CNTN6: variants seen among roughly 807,000 people sequenced by gnomAD.
CNTN6 encodes the protein contactin 6.
Under a neutral mutation model 122.8 loss-of-function variants are expected in CNTN6, and 137 were observed. The observed-to-expected ratio is 1.12, with a 90% CI of 0.97 to 1.29. The LOEUF (loss-of-function observed/expected upper bound fraction) is 1.29, where lower values mean the gene tolerates loss of function less well. Among genes scored for constraint, CNTN6 ranks in the 50% most tolerant of loss-of-function variants. The probability of loss-of-function intolerance (pLI) is 0.00; values close to 1 mark genes in which losing one functional copy is unlikely to be tolerated. For synonymous variants in CNTN6, 570 were observed against 426.0 expected (o/e 1.34, Z -4.16); for missense variants, 1,634 against 1,223.4 (o/e 1.34, Z -5.01).
chr3:1,378,561 A>G (rs1710212506), intron 17 of CNTN6, among the ~76,000 whole-genome samples: 1 of 152,080 alleles, frequency 6.6e-6, no homozygotes, highest in Non-Finnish European at 1.5e-5. Flanking sequence ...TGTTGAATGG[A>G]AGGTAGTGTT....
intron 2 of CNTN6, among the ~76,000 whole-genome samples, chr3:1,206,647 A>G (rs2093961607): frequency 6.6e-6 from 1 of 152,000 alleles, no homozygotes; most frequent in Admixed American, 6.6e-5. Flanking sequence ...ACTCCTTAGA[A>G]TTTTTTCTTT....
At chr3:1,208,474 C>A (rs2093987949) in intron 2 of CNTN6, among the ~76,000 whole-genome samples, 1 of 152,038 alleles carries the variant, frequency 6.6e-6, no homozygotes, top group African/African-American at 2.4e-5. Flanking sequence ...GGCATTCTTC[C>A]AAAACCTCTA....
At position 1,158,891 on chromosome 3, in the gene CNTN6, CAT is replaced by C. The variant is rs1158443754; in HGVS notation, c.55+10836_55+10837del. ...ACATATATATACACATATATACACA[CAT>C]ATATATACACATATATATACACACA... On this transcript the variant is annotated intron_variant, in intron 2 of 22. Transcript: ENST00000446702. Among the ~76,000 whole-genome samples the C allele has an allele frequency of 8.1e-5, 6 of 74,416 alleles. 1 individual carries two copies. The highest frequency in any genetic ancestry group is 7.2e-4 in the South Asian group (2 of 2,796). The allele number at this position is 74,416 out of a possible 152,430, so 48.8% of individuals were successfully genotyped here. A position where few individuals can be genotyped will look rare whatever the true frequency, so the allele number is the denominator to read the frequency against.
intron 2 of CNTN6, among the ~76,000 whole-genome samples, chr3:1,195,203 A>T (rs1286122044): frequency 2.6e-5 from 4 of 152,036 alleles, no homozygotes; most frequent in Non-Finnish European, 4.4e-5. Flanking sequence ...TTTCCATGGA[A>T]ACCTCTATAC....
In CNTN6 at chr3:1,385,732, G is replaced by A. The variant is rs907621977; in HGVS notation, c.2639G>A (p.Arg880Lys). 6.2e-7 allele frequency: 1 copy of A among 1,614,134 alleles called. No individual in the cohort carries two copies. Among genetic ancestry groups the A allele is most frequent in the South Asian group, 1.1e-5 (1 of 91,082 alleles). ...AATACCATCTACTTTGCTTCCGTAA[G>A]AGCTTACAACACTGCTGGGACAGGG... The part of the protein sequence containing the change: ...KANTIYFASV[R>K]AYNTAGTGPS... The change falls in exon 20 of 23, where the codon AGA (arginine) becomes AAA (lysine). Residue 880 changes from arginine to lysine, a missense_variant. Physicochemically the swap from Arg to Lys is conservative, Grantham distance 26. Coordinates refer to ENST00000446702, the MANE Select transcript of CNTN6 (RefSeq NM_001289080.2).
rs188347435 is a variant in CNTN6, at chr3:1,149,769, T to C, written c.55+1706T>C. Reference sequence around the variant, plus strand: ...CATATATGTGTGAATAAGAATTATATTCCTACCCTTAAGTTTCATCTTCCT... The same window carrying C: ...CATATATGTGTGAATAAGAATTATACTCCTACCCTTAAGTTTCATCTTCCT... On this transcript the variant is annotated intron_variant, in intron 2 of 22. Transcript: ENST00000446702. 2.2e-3 allele frequency among the ~76,000 whole-genome samples: 342 copies of C among 152,268 alleles called. 1 individual carries two copies. Among genetic ancestry groups the C allele is most frequent in the African/African-American group, 7.9e-3 (330 of 41,572 alleles).
rs558137604 is a variant in CNTN6, at chr3:1,131,547, C to T, written c.-82-16380C>T. Among the ~76,000 whole-genome samples the T allele has an allele frequency of 6.6e-5, 10 of 152,240 alleles. No homozygotes were observed. In the East Asian group the frequency reaches 1.9e-3, roughly 29 times the overall value. ...GAGTGAATAAAGTGTTCACTGCTCA[C>T]TAAACTCAAGTGAAGTTAACATGCA... On this transcript the variant is annotated intron_variant, in intron 1 of 22. Coordinates refer to ENST00000446702, the MANE Select transcript of CNTN6 (RefSeq NM_001289080.2).
At chr3:1,256,014 G>T (rs947102818) in intron 4 of CNTN6, among the ~76,000 whole-genome samples, 1 of 151,828 alleles carries the variant, frequency 6.6e-6, no homozygotes, top group Non-Finnish European at 1.5e-5. Flanking sequence ...GAATACAGGC[G>T]TGTGCCACCA....
chr3:1,248,651 C>G (rs1216444024), intron 4 of CNTN6, among the ~76,000 whole-genome samples: 1 of 152,026 alleles, frequency 6.6e-6, no homozygotes, highest in African/African-American at 2.4e-5. Context: ...GAAACTCTGT[C>G]TCCACTAAAA....
intron 1 of CNTN6, among the ~76,000 whole-genome samples, chr3:1,130,544 G>T (rs9859060): frequency 6.1e-4 from 93 of 152,192 alleles, no homozygotes; most frequent in African/African-American, 2.1e-3. Context: ...CCACCTTCCA[G>T]TGGTCCCCAG....
At chr3:1,318,403 A>G (rs1191460957) in intron 7 of CNTN6, among the ~76,000 whole-genome samples, 2 of 151,734 alleles carry the variant, frequency 1.3e-5, no homozygotes, top group Non-Finnish European at 2.9e-5. Flanking sequence ...TAAAAATACT[A>G]TAATAAGAAA....
chr3:1,351,863 C>G (rs943659730), intron 11 of CNTN6, among the ~76,000 whole-genome samples: 1 of 151,874 alleles, frequency 6.6e-6, no homozygotes, highest in African/African-American at 2.4e-5. Context: ...GTTCAACACC[C>G]CATTCTGTGG....
chr3:1,126,971 A>G (rs1369759532), intron 1 of CNTN6, among the ~76,000 whole-genome samples: 2 of 151,878 alleles, frequency 1.3e-5, no homozygotes, highest in African/African-American at 4.8e-5. Flanking sequence ...CCTAAGTTAT[A>G]TATAGACATC....
At chr3:1,364,077 T>C (rs1483006124) in intron 12 of CNTN6, among the ~76,000 whole-genome samples, 1 of 151,882 alleles carries the variant, frequency 6.6e-6, no homozygotes, top group African/African-American at 2.4e-5. Context: ...GTCTATTTAA[T>C]TCAGTTTCTA....
chr3:1,196,421 C>A (rs1467953688), intron 2 of CNTN6, among the ~76,000 whole-genome samples: 1 of 152,160 alleles, frequency 6.6e-6, no homozygotes, highest in African/African-American at 2.4e-5. Context: ...AATGATAACA[C>A]TTCCTTCTTT....
intron 2 of CNTN6, among the ~76,000 whole-genome samples, chr3:1,201,661 T>C (rs1433170001): frequency 2.0e-5 from 3 of 152,178 alleles, no homozygotes; most frequent in Admixed American, 1.3e-4. Flanking sequence ...TAATTCTAAA[T>C]TTAGGAAAAA....
In CNTN6 at chr3:1,403,336, T is replaced by G; in HGVS notation, c.3005T>G (p.Ile1002Ser). Residue 1002 changes from isoleucine to serine, a missense_variant, in exon 23 of 23, where the codon ATT becomes AGT. Physicochemically the swap from Ile to Ser is moderately radical, Grantham distance 142. Coordinates refer to ENST00000446702, the MANE Select transcript of CNTN6 (RefSeq NM_001289080.2). ...PKMSSLSSRG[I>S]QFLEPSTHFL... ...TTTGCAGGTTTGAGTTCCAGAGGAA[T>G]TCAATTCTTAGAACCTAGCACCCAT... 6.2e-7 allele frequency: 1 copy of G among 1,608,594 alleles called. No individual in the cohort carries two copies. The highest frequency in any genetic ancestry group is 8.5e-7 in the Non-Finnish European group (1 of 1,176,702).
At chr3:1,099,303 T>G (rs930612258) in intron 1 of CNTN6, among the ~76,000 whole-genome samples, 4 of 151,234 alleles carry the variant, frequency 2.6e-5, no homozygotes, top group Non-Finnish European at 5.9e-5. Flanking sequence ...TACAAAAAAT[T>G]AGCAGGGTGT....
intron 1 of CNTN6, among the ~76,000 whole-genome samples, chr3:1,144,289 C>T (rs7624079): frequency 0.11 from 16,870 of 152,076 alleles, 1,050 homozygotes; most frequent in Non-Finnish European, 0.15. Context: ...ATAAACGATA[C>T]AGGGGACTGG....
Sources: gnomAD v4.1 joint callset for allele counts (sites outside exome capture counted in the v4.1 genomes callset) on GRCh38, gnomAD v4.1.1 for gene constraint, MANE v1.5 for transcripts, NCBI Gene and HGNC (gene_info 2026-07-23, HGNC 2026-07-21) for gene names.